Variants in CNTN4 observed in about 807,000 individuals in gnomAD.
CNTN4 encodes contactin 4.
A neutral mutation model predicts 122.5 loss-of-function variants in CNTN4; 77 were observed. That is an observed-to-expected ratio of 0.63 (90% CI 0.52 to 0.76). The LOEUF (loss-of-function observed/expected upper bound fraction) is 0.76. Ranked by LOEUF, CNTN4 falls within the 30% of genes least tolerant of loss-of-function variation. The pLI is 0.00. For synonymous variants in CNTN4, 512 were observed against 447.0 expected (o/e 1.15, Z -1.83); for missense variants, 1,256 against 1,259.1 (o/e 1.00, Z 0.04).
intron 3 of CNTN4, among the ~76,000 whole-genome samples, chr3:2,428,781 C>T (rs2047944408): frequency 1.3e-5 from 2 of 152,142 alleles, no homozygotes; most frequent in South Asian, 4.1e-4. Flanking sequence ...TCTTTTTACT[C>T]TTTTTTCTCT....
At chr3:2,181,449 C>T (rs573016700) in intron 2 of CNTN4, among the ~76,000 whole-genome samples, 23 of 152,100 alleles carry the variant, frequency 1.5e-4, no homozygotes, top group Admixed American at 1.4e-3. Context: ...GTATCAAACG[C>T]CAGCAAATAC....
intron 4 of CNTN4, among the ~76,000 whole-genome samples, chr3:2,678,336 A>T (rs1269059849): frequency 6.6e-6 from 1 of 152,086 alleles, no homozygotes; most frequent in East Asian, 1.9e-4. Context: ...GGTCATGTTT[A>T]TATTTATCCT....
At chr3:2,641,221 C>G (rs1279507213) in intron 4 of CNTN4, among the ~76,000 whole-genome samples, 2 of 151,710 alleles carry the variant, frequency 1.3e-5, no homozygotes, top group East Asian at 3.9e-4. Flanking sequence ...GCAAATTGCT[C>G]CATTAATTAT....
At chr3:2,701,894 TAACTGA>T (rs138704638) in intron 4 of CNTN4, among the ~76,000 whole-genome samples, 320 of 152,268 alleles carry the variant, frequency 2.1e-3, no homozygotes, top group Non-Finnish European at 3.3e-3. Flanking sequence ...ATGATACAAG[TAACTGA>T]AACTGACTCT....
chr3:2,352,291 C>A (rs983216451), intron 3 of CNTN4, among the ~76,000 whole-genome samples: 4 of 152,182 alleles, frequency 2.6e-5, no homozygotes, highest in African/African-American at 9.6e-5. Context: ...TCCACTCTGG[C>A]CGCACTTGAG....
intron 20 of CNTN4, chr3:3,040,485 A>G (rs1314593941): frequency 3.4e-6 from 2 of 585,512 alleles, no homozygotes; most frequent in Non-Finnish European, 6.2e-6. Context: ...TTGGCTGTCC[A>G]TTATTGATTC....
chr3:2,572,540 G>T (rs958394407), intron 4 of CNTN4, among the ~76,000 whole-genome samples: 1 of 152,234 alleles, frequency 6.6e-6, no homozygotes, highest in Non-Finnish European at 1.5e-5. Context: ...TTTGCAGCTT[G>T]GGCTGCTGTG....
At chr3:2,311,719 T>C (rs1168955424) in intron 2 of CNTN4, among the ~76,000 whole-genome samples, 1 of 152,142 alleles carries the variant, frequency 6.6e-6, no homozygotes. Context: ...TAGCTCATTA[T>C]GTCAAGGAAA....
chr3:2,235,011 T>G (rs545364270), intron 2 of CNTN4, among the ~76,000 whole-genome samples: 1 of 152,328 alleles, frequency 6.6e-6, no homozygotes, highest in Admixed American at 6.5e-5. Flanking sequence ...TTGGAAAAAT[T>G]GAGTTCTTAT....
At chr3:2,819,847 G>T (rs1213138916) in intron 7 of CNTN4, among the ~76,000 whole-genome samples, 3 of 151,198 alleles carry the variant, frequency 2.0e-5, no homozygotes, top group African/African-American at 7.3e-5. Context: ...CTGTTGCTTG[G>T]TAAAGCAGTG....
chr3:2,390,099 G>C (rs2046389105), intron 3 of CNTN4, among the ~76,000 whole-genome samples: 2 of 151,990 alleles, frequency 1.3e-5, no homozygotes, highest in South Asian at 4.1e-4. Context: ...TCAGATGACA[G>C]TTTTACTGTG....
rs771531200 is a variant in CNTN4, at chr3:2,905,554, G to A, written c.1207+2549G>A. On this transcript the variant is annotated intron_variant, in intron 12 of 24. Transcript: ENST00000418658. The stretch of plus-strand genomic sequence containing the variant: ...CACCTCTTAAAGGTCCTGCCTCTTA[G>A]TACCATCACCTTAGCGGTTAGGATT... 1.6e-4 allele frequency among the ~76,000 whole-genome samples: 25 copies of A among 152,218 alleles called. 1 individual carries two copies. Among genetic ancestry groups the A allele is most frequent in the Non-Finnish European group, 3.5e-4 (24 of 68,046 alleles).
At chr3:2,339,484 T>A (rs766509124) in intron 3 of CNTN4, among the ~76,000 whole-genome samples, 1 of 152,214 alleles carries the variant, frequency 6.6e-6, no homozygotes, top group Non-Finnish European at 1.5e-5. Flanking sequence ...TAGTTTAGAT[T>A]AATTTGATAA....
chr3:2,677,709 G>A (rs1210731738), intron 4 of CNTN4, among the ~76,000 whole-genome samples: 1 of 151,946 alleles, frequency 6.6e-6, no homozygotes. Flanking sequence ...GGTGGCAGCA[G>A]GCAGGCACTC....
At chr3:2,197,384 C>G (rs964830996) in intron 2 of CNTN4, among the ~76,000 whole-genome samples, 1 of 152,202 alleles carries the variant, frequency 6.6e-6, no homozygotes, top group Non-Finnish European at 1.5e-5. Flanking sequence ...AAAGAAGAAG[C>G]AGGAAAGAAT....
At chr3:2,246,828 G>A (rs1198515119) in intron 2 of CNTN4, among the ~76,000 whole-genome samples, 1 of 151,902 alleles carries the variant, frequency 6.6e-6, no homozygotes, top group African/African-American at 2.4e-5. Flanking sequence ...CTCTCAGGGG[G>A]ATTCAGGGAA....
intron 4 of CNTN4, among the ~76,000 whole-genome samples, chr3:2,592,781 C>G (rs2080561874): frequency 6.6e-6 from 1 of 152,204 alleles, no homozygotes; most frequent in Non-Finnish European, 1.5e-5. Flanking sequence ...AGTTTAACCA[C>G]TCTCTGGAGT....
At position 2,220,823 on chromosome 3, in the gene CNTN4, C is replaced by T. The variant is rs17010593; in HGVS notation, c.-144-118355C>T. On this transcript the variant is annotated intron_variant, in intron 2 of 24. Transcript: ENST00000418658. ...TATTGTCTTCATTTTTAACTTTTTACTCAGGATACATCTTAGGTATCCAAG... is the reference window on the plus strand; with the variant it reads ...TATTGTCTTCATTTTTAACTTTTTATTCAGGATACATCTTAGGTATCCAAG... Among the ~76,000 whole-genome samples, 430 of 152,090 alleles carry T rather than the reference C, an allele frequency of 2.8e-3. 2 individuals are homozygous for T. Among genetic ancestry groups the T allele is most frequent in the African/African-American group, 9.9e-3 (413 of 41,530 alleles).
rs531171966 is a variant in CNTN4, at chr3:2,847,285, A to G, written c.455-19467A>G. On this transcript the variant is annotated intron_variant, in intron 7 of 24. Coordinates refer to ENST00000418658, the MANE Select transcript of CNTN4 (RefSeq NM_175607.3). ...ATCATCCACAAGCAGAGAGTCAGCT[A>G]AAGACTGAGATCACCCCTTGCTCAT... is the stretch of plus-strand genomic sequence containing the variant. Among the ~76,000 whole-genome samples, 6 of 152,106 alleles carry G rather than the reference A, an allele frequency of 3.9e-5. No individual in the cohort carries two copies. In the South Asian group the frequency reaches 8.3e-4, roughly 21 times the overall value.
Sources: gnomAD v4.1 joint callset for allele counts (sites outside exome capture counted in the v4.1 genomes callset) on GRCh38, gnomAD v4.1.1 for gene constraint, MANE v1.5 for transcripts, NCBI Gene and HGNC (gene_info 2026-07-23, HGNC 2026-07-21) for gene names.